The following TMEM132D variants were observed in gnomAD, a reference collection of about 807,000 sequenced individuals.
TMEM132D encodes transmembrane protein 132D, also known as mature OL transmembrane protein.
A neutral mutation model predicts 62.3 loss-of-function variants in TMEM132D; 21 were observed. That is an observed-to-expected ratio of 0.34 (90% CI 0.24 to 0.49). The LOEUF is 0.49. TMEM132D is among the 20% of genes least tolerant of loss of function. The probability of loss-of-function intolerance (pLI) is 0.99; values close to 1 mark genes in which losing one functional copy is unlikely to be tolerated. For synonymous variants in TMEM132D, 621 were observed against 575.6 expected, an observed-to-expected ratio of 1.08 and a Z score of -1.13; for missense variants, 1,346 against 1,402.8, an observed-to-expected ratio of 0.96 and a Z score of 0.65.
At chr12:129,723,207 T>A (rs1009547301) in intron 1 of TMEM132D, among the ~76,000 whole-genome samples, 1 of 152,254 alleles carries the variant, frequency 6.6e-6, no homozygotes, top group East Asian at 1.9e-4. Context: ...CGTGCTAATA[T>A]GTTTTTAATG....
rs1382014326 is a variant in TMEM132D, at chr12:129,090,143, C to T, written c.1444-5441G>A. Among the ~76,000 whole-genome samples, 8 of 152,270 alleles carry T rather than the reference C, an allele frequency of 5.3e-5. No individual in the cohort carries two copies. The South Asian group carries it at 6.2e-4, about 12-fold the overall frequency. ...CTGAGGAGAAACGTGGGCCCAGGTC[C>T]GGTTAAGAGTGGGTGGTGCTTGTGT... On this transcript the variant is annotated intron_variant, in intron 5 of 8. Coordinates refer to ENST00000422113, the MANE Select transcript of TMEM132D (RefSeq NM_133448.3).
At chr12:129,793,519 C>T (rs555982009) in intron 1 of TMEM132D, among the ~76,000 whole-genome samples, 11 of 152,220 alleles carry the variant, frequency 7.2e-5, no homozygotes, top group African/African-American at 2.6e-4. Flanking sequence ...GGACTACAGA[C>T]ATGTGCCACC....
Position 129,372,351 on chromosome 12 carries a change from A to C in TMEM132D, c.1116-34534T>G, listed in dbSNP as rs184224771. Among the ~76,000 whole-genome samples, 120 of 152,280 alleles carry C rather than the reference A, an allele frequency of 7.9e-4. 2 individuals are homozygous for C. In the Middle Eastern group the frequency reaches 0.014, roughly 17 times the overall value. On this transcript the variant is annotated intron_variant, in intron 3 of 8. Transcript: ENST00000422113. Reference sequence around the variant, plus strand: ...GTTAGGAACTGGGCCACAAGGTAAGAGGTGAGTGGTGGGCTAGCAAGTGAA... The same window carrying C: ...GTTAGGAACTGGGCCACAAGGTAAGCGGTGAGTGGTGGGCTAGCAAGTGAA...
rs1466284972 is a variant in TMEM132D at position 129,903,712 on chromosome 12, C to A, written c.-373G>T. 1.3e-5 allele frequency: 2 copies of A among 159,922 alleles called. No homozygotes were observed. The highest frequency in any genetic ancestry group is 1.7e-4 in the East Asian group (1 of 5,750). 9.9% of individuals were successfully genotyped at this position (159,922 alleles called of 1,614,324 possible). ...GGCGCCTCCAGGCGCAGGGCTCCGG[C>A]GGCTCCAGCTGCTCCCGGGCTGGCT... On this transcript the variant is annotated 5_prime_UTR_variant, in exon 1 of 9. Transcript: ENST00000422113. The surrounding 1 kb of genome is among the most constrained non-coding windows in gnomAD (Gnocchi z 6.2).
chr12:129,663,485 T>C (rs2137193737), intron 2 of TMEM132D, among the ~76,000 whole-genome samples: 1 of 152,306 alleles, frequency 6.6e-6, no homozygotes, highest in East Asian at 1.9e-4. Flanking sequence ...ACAAAACCCC[T>C]TCCAAAGACT....
At chr12:129,823,190 A>C (rs2173907) in intron 1 of TMEM132D, among the ~76,000 whole-genome samples, 20,620 of 152,220 alleles carry the variant, frequency 0.14, 1,446 homozygotes, top group African/African-American at 0.18. Context: ...CCCCAGAAGC[A>C]GAAACTGCCA....
intron 1 of TMEM132D, among the ~76,000 whole-genome samples, chr12:129,834,096 C>A (rs950416553): frequency 4.6e-5 from 7 of 152,140 alleles, no homozygotes; most frequent in African/African-American, 1.7e-4. Flanking sequence ...GGGATTGTAA[C>A]CGAGTGGCCC....
chr12:129,228,800 G>A (rs1467446419), intron 4 of TMEM132D, among the ~76,000 whole-genome samples: 1 of 152,170 alleles, frequency 6.6e-6, no homozygotes, highest in East Asian at 1.9e-4. Flanking sequence ...AATCAACTAG[G>A]GTTCCAAGGA....
rs527681939 is a variant in TMEM132D, at chr12:129,172,406, G to T, written c.1443+37114C>A. On this transcript the variant is annotated intron_variant, in intron 5 of 8. Coordinates refer to ENST00000422113, the MANE Select transcript of TMEM132D (RefSeq NM_133448.3). Reference sequence around the variant, plus strand: ...TAGCATTTTTAATTTCCTTGAAGAAGTTTTCCTTTGCATTCACAACTTGGC... The same window carrying T: ...TAGCATTTTTAATTTCCTTGAAGAATTTTTCCTTTGCATTCACAACTTGGC... 2.5e-3 allele frequency among the ~76,000 whole-genome samples: 383 copies of T among 152,322 alleles called. 1 individual carries two copies. The highest frequency in any genetic ancestry group is 8.3e-3 in the African/African-American group (345 of 41,576).
intron 1 of TMEM132D, among the ~76,000 whole-genome samples, chr12:129,776,788 C>CAAAA (rs148740560): frequency 2.9e-5 from 2 of 68,460 alleles, no homozygotes; most frequent in African/African-American, 4.3e-5. Flanking sequence ...TAATGGGCTT[C>CAAAA]AAAAAAAAAA....
intron 2 of TMEM132D, among the ~76,000 whole-genome samples, chr12:129,633,421 A>G (rs1239811894): frequency 6.6e-6 from 1 of 152,200 alleles, no homozygotes; most frequent in Admixed American, 6.5e-5. Context: ...CAGCTTTCTT[A>G]TATGTCACCT....
intron 2 of TMEM132D, among the ~76,000 whole-genome samples, chr12:129,592,277 A>C (rs1198080277): frequency 6.6e-6 from 1 of 152,224 alleles, no homozygotes; most frequent in Non-Finnish European, 1.5e-5. Context: ...CTCTCTTCCC[A>C]GGTTCCACGG....
chr12:129,641,501 C>T (rs184792348), intron 2 of TMEM132D, among the ~76,000 whole-genome samples: 7 of 152,322 alleles, frequency 4.6e-5, no homozygotes, highest in African/African-American at 9.6e-5. Context: ...GCAGAGATCA[C>T]AAGGTGCTAC....
rs527410234 is a variant in TMEM132D, at chr12:129,299,799, A to G, written c.1299+37835T>C. On this transcript the variant is annotated intron_variant, in intron 4 of 8. Transcript: ENST00000422113. The stretch of plus-strand genomic sequence containing the variant: ...CGTTCTCATGGTGGTGCTAAAAAAG[A>G]GGAAGCTAATATTTCTATGAACCTT... Among the ~76,000 whole-genome samples, 3 of 152,320 alleles carry G rather than the reference A, an allele frequency of 2.0e-5. No homozygotes were observed. The South Asian group carries it at 6.2e-4, about 32-fold the overall frequency.
chr12:129,239,914 T>C lies in TMEM132D; in HGVS notation c.1300-30251A>G, dbSNP rs536832146. Among the ~76,000 whole-genome samples, 15 of 152,264 alleles carry C rather than the reference T, an allele frequency of 9.9e-5. 1 individual carries two copies. Among genetic ancestry groups the C allele is most frequent in the South Asian group, 6.2e-4 (3 of 4,816 alleles). On this transcript the variant is annotated intron_variant, in intron 4 of 8. Transcript: ENST00000422113. The stretch of plus-strand genomic sequence containing the variant: ...CAATACACTTGGTGTAGAACAATTT[T>C]GATTTTAGTTCCCTGGTTCTGGGCC...
At chr12:129,375,922 ATC>A (rs2135683698) in intron 3 of TMEM132D, among the ~76,000 whole-genome samples, 1 of 152,314 alleles carries the variant, frequency 6.6e-6, no homozygotes, top group Non-Finnish European at 1.5e-5. Context: ...TTTTAAATCG[ATC>A]TGGACTATAG....
chr12:129,839,163 G>C (rs71446281), intron 1 of TMEM132D, among the ~76,000 whole-genome samples: 1 of 72,920 alleles, frequency 1.4e-5, no homozygotes, highest in Non-Finnish European at 2.7e-5. Context: ...ATGGAATCTC[G>C]CACTGTCGCC....
intron 2 of TMEM132D, among the ~76,000 whole-genome samples, chr12:129,662,166 C>A (rs2137192537): frequency 6.6e-6 from 1 of 152,280 alleles, no homozygotes; most frequent in East Asian, 1.9e-4. Context: ...GCAGCCCAGG[C>A]TATAAATCCC....
rs557936513 is a variant in TMEM132D at position 129,517,928 on chromosome 12, T to G, written c.1115+13131A>C. ...AAACTTATCGGTGTCCTTAGTTTCTTTGTATTATTTTAATATACAGCCTAA... is the reference window on the plus strand; with the variant it reads ...AAACTTATCGGTGTCCTTAGTTTCTGTGTATTATTTTAATATACAGCCTAA... On this transcript the variant is annotated intron_variant, in intron 3 of 8. Transcript: ENST00000422113. Among the ~76,000 whole-genome samples the G allele has an allele frequency of 3.9e-5, 6 of 152,308 alleles. No homozygotes were observed. In the South Asian group the frequency reaches 1.2e-3, roughly 32 times the overall value.
Sources: allele counts gnomAD v4.1 joint callset (sites outside exome capture counted in the v4.1 genomes callset), GRCh38; gene constraint gnomAD v4.1.1; non-coding constraint Gnocchi (gnomAD v3.1); transcripts MANE v1.5; gene names NCBI Gene and HGNC (gene_info 2026-07-23, HGNC 2026-07-21).